FARS2: variants seen among roughly 807,000 people sequenced by gnomAD.
The protein encoded by FARS2 is phenylalanyl-tRNA synthetase 2, mitochondrial, also known as phenylalanine--tRNA ligase, mitochondrial.
Under a neutral mutation model 46.4 loss-of-function variants are expected in FARS2, and 40 were observed. That is an observed-to-expected ratio of 0.86 (90% CI 0.67 to 1.12). The LOEUF is 1.12. Ranked by LOEUF, FARS2 falls within the 50% of genes most tolerant of loss-of-function variation. FARS2 has a pLI of 0.00. For missense variants in FARS2, 513 were observed against 567.9 expected (o/e 0.90, Z 0.98); for synonymous variants, 234 against 214.9 (o/e 1.09, Z -0.78).
chr6:5,549,883 A>G (rs75281175), intron 5 of FARS2, among the ~76,000 whole-genome samples: 6,253 of 152,220 alleles, frequency 0.041, 150 homozygotes, highest in South Asian at 0.091. Context: ...AGGTCCCACA[A>G]ACTCTGAACC....
At chr6:5,524,608 C>T (rs1452492837) in intron 4 of FARS2, among the ~76,000 whole-genome samples, 1 of 152,170 alleles carries the variant, frequency 6.6e-6, no homozygotes, top group Non-Finnish European at 1.5e-5. Context: ...TCCTTTGCAC[C>T]AGGTCCTCTT....
intron 4 of FARS2, among the ~76,000 whole-genome samples, chr6:5,441,089 T>G (rs1315989547): frequency 3.9e-5 from 6 of 151,984 alleles, no homozygotes; most frequent in Admixed American, 3.3e-4. Flanking sequence ...AACCGGCTAA[T>G]TTTTGTATTT....
chr6:5,722,866 T>A (rs553326219), intron 6 of FARS2, among the ~76,000 whole-genome samples: 1 of 152,322 alleles, frequency 6.6e-6, no homozygotes, highest in South Asian at 2.1e-4. Context: ...ACCCTAGTTA[T>A]GAAGTTGTAA....
intron 5 of FARS2, among the ~76,000 whole-genome samples, chr6:5,559,505 A>G (rs985139146): frequency 1.3e-5 from 2 of 152,184 alleles, no homozygotes; most frequent in Non-Finnish European, 2.9e-5. Flanking sequence ...AGAGGTCACC[A>G]CTAGCTACAG....
At chr6:5,760,358 A>G (rs1762419401) in intron 6 of FARS2, among the ~76,000 whole-genome samples, 1 of 152,118 alleles carries the variant, frequency 6.6e-6, no homozygotes, top group Non-Finnish European at 1.5e-5. Flanking sequence ...TCCTCTGCCT[A>G]TCTTTTCTGA....
chr6:5,347,081 T>G (rs1757287157), intron 1 of FARS2, among the ~76,000 whole-genome samples: 1 of 152,022 alleles, frequency 6.6e-6, no homozygotes, highest in Non-Finnish European at 1.5e-5. Flanking sequence ...ACCTGGCTAA[T>G]TTTTGTATTT....
chr6:5,308,324 T>C (rs1183005981), intron 1 of FARS2, among the ~76,000 whole-genome samples: 2 of 152,128 alleles, frequency 1.3e-5, no homozygotes, highest in Non-Finnish European at 2.9e-5. Context: ...CACCAAAGGG[T>C]TTGAGTTGCA....
intron 4 of FARS2, among the ~76,000 whole-genome samples, chr6:5,499,454 A>G (rs554405307): frequency 1.3e-5 from 2 of 152,196 alleles, no homozygotes; most frequent in Non-Finnish European, 2.9e-5. Flanking sequence ...TGGTTAGAAT[A>G]AGGTCAGAAG....
At chr6:5,299,017 A>AGTAT (rs1270958578) in intron 1 of FARS2, among the ~76,000 whole-genome samples, 3 of 152,066 alleles carry the variant, frequency 2.0e-5, no homozygotes, top group South Asian at 2.1e-4. Flanking sequence ...GTCTTTATAG[A>AGTAT]GTATGTTTTT....
intron 1 of FARS2, among the ~76,000 whole-genome samples, chr6:5,351,374 G>T (rs947871427): frequency 3.9e-5 from 6 of 152,140 alleles, no homozygotes; most frequent in African/African-American, 1.4e-4. Context: ...ATTTTTCTTT[G>T]TTTATAGATT....
intron 6 of FARS2, among the ~76,000 whole-genome samples, chr6:5,703,906 G>T (rs896928011): frequency 1.3e-5 from 2 of 152,008 alleles, no homozygotes; most frequent in Non-Finnish European, 2.9e-5. Context: ...TGCCTTCCCG[G>T]CTTGTGCCTC....
chr6:5,545,413 G>A, intron 5 of FARS2, 73 bp downstream of exon 5: 1 of 1,095,264 alleles, frequency 9.1e-7, no homozygotes, highest in Non-Finnish European at 1.3e-6. Flanking sequence ...TCATGTACTT[G>A]AAAGCCACTG....
In FARS2 at chr6:5,480,784, G is replaced by A. The variant is rs1244665743; in HGVS notation, c.904+49612G>A. 3.3e-5 allele frequency among the ~76,000 whole-genome samples: 5 copies of A among 152,194 alleles called. 1 individual carries two copies. The highest frequency in any genetic ancestry group is 3.3e-4 in the Admixed American group (5 of 15,282). Reference sequence around the variant, plus strand: ...AGGTGGCTTCTTTTCTGACTGAGTTGCCTGCAATCTTTTATCCTTCCTCCT... The same window carrying A: ...AGGTGGCTTCTTTTCTGACTGAGTTACCTGCAATCTTTTATCCTTCCTCCT... On this transcript the variant is annotated intron_variant, in intron 4 of 6. Transcript: ENST00000274680.
intron 6 of FARS2, among the ~76,000 whole-genome samples, chr6:5,649,477 A>C (rs1445959907): frequency 1.3e-5 from 2 of 152,220 alleles, no homozygotes; most frequent in East Asian, 3.8e-4. Flanking sequence ...TGAGGTTTAC[A>C]TGCAGGGCCA....
chr6:5,713,897 A>G (rs926078318), intron 6 of FARS2, among the ~76,000 whole-genome samples: 5 of 152,264 alleles, frequency 3.3e-5, no homozygotes, highest in African/African-American at 1.2e-4. Context: ...CTCCAAAGAC[A>G]TGAAATTTAG....
At chr6:5,305,537 C>T (rs1021998586) in intron 1 of FARS2, among the ~76,000 whole-genome samples, 9 of 152,144 alleles carry the variant, frequency 5.9e-5, no homozygotes, top group Non-Finnish European at 1.3e-4. Context: ...CAGCAGAGAC[C>T]TTTGACTCAT....
At chr6:5,460,632 G>A (rs1224354304) in intron 4 of FARS2, among the ~76,000 whole-genome samples, 1 of 152,124 alleles carries the variant, frequency 6.6e-6, no homozygotes, top group African/African-American at 2.4e-5. Context: ...TGCTGTAGCT[G>A]CAGTCCAAGG....
At chr6:5,688,500 C>T (rs1446426406) in intron 6 of FARS2, among the ~76,000 whole-genome samples, 2 of 152,142 alleles carry the variant, frequency 1.3e-5, no homozygotes, top group Admixed American at 6.5e-5. Context: ...TGCTGGATTA[C>T]GTTTATCGAT....
At chr6:5,553,149 C>T in intron 5 of FARS2, among the ~76,000 whole-genome samples, 1 of 152,182 alleles carries the variant, frequency 6.6e-6, no homozygotes, top group South Asian at 2.1e-4. Context: ...TGGCTGTTAT[C>T]TTTTTTGCCA....
Sources: allele counts gnomAD v4.1 joint callset (sites outside exome capture counted in the v4.1 genomes callset), GRCh38; gene constraint gnomAD v4.1.1; transcripts MANE v1.5; gene names NCBI Gene and HGNC (gene_info 2026-07-23, HGNC 2026-07-21).